The following NPSR1 variants were observed in gnomAD, a reference collection of about 807,000 sequenced individuals.
NPSR1 encodes neuropeptide S receptor 1.
NPSR1 carries 48 observed loss-of-function variants against 46.9 expected under a neutral mutation model. The ratio of observed to expected loss-of-function variants is 1.02; its 90% CI spans 0.81 to 1.30. The LOEUF is 1.30. Ranked by LOEUF, NPSR1 falls within the 50% of genes most tolerant of loss-of-function variation. NPSR1 has a pLI of 0.00. For synonymous variants in NPSR1, 176 were observed against 168.1 expected (o/e 1.05, Z -0.36); for missense variants, 450 against 449.5 (o/e 1.00, Z -0.01).
chr7:34,726,287 T>C (rs918884668), intron 2 of NPSR1, among the ~76,000 whole-genome samples: 7 of 152,154 alleles, frequency 4.6e-5, no homozygotes, highest in African/African-American at 9.7e-5. Context: ...CATCAGGGAA[T>C]GCAAATTAAA....
At chr7:34,849,396 G>C (rs1584141548) in intron 8 of NPSR1, 169 bp from the exon 9 acceptor site, 1 of 1,554,824 alleles carries the variant, frequency 6.4e-7, no homozygotes, top group African/African-American at 1.4e-5. Flanking sequence ...CAGTGAGAAG[G>C]AGAGCTGTGA....
At position 34,827,229 on chromosome 7, in the gene NPSR1, CA is replaced by C. The variant is rs1789898592; in HGVS notation, c.479-170del. 2.0e-5 allele frequency among the ~76,000 whole-genome samples: 3 copies of C among 152,320 alleles called. No homozygotes were observed. The South Asian group carries it at 6.2e-4, about 32-fold the overall frequency. On this transcript the variant is annotated intron_variant, in intron 4 of 8. Coordinates refer to ENST00000360581, the MANE Select transcript of NPSR1 (RefSeq NM_207172.2). ...CTTCCCTTTGTAATCTTCACATTGA[CA>C]ATGTATGGAGATACTGTATCCCTGT... is the stretch of plus-strand genomic sequence containing the variant.
In NPSR1 at chr7:34,848,503, C is replaced by T. The variant is rs962588749; in HGVS notation, c.865C>T (p.Pro289Ser). Residue 289 changes from proline (P) to serine (S), a missense_variant, in exon 8 of 9, where the codon CCA (proline) becomes TCA (serine). Pro to Ser is a moderately conservative substitution (Grantham distance 74). Coordinates refer to ENST00000360581, the MANE Select transcript of NPSR1 (RefSeq NM_207172.2). Reference protein sequence around the residue: ...IILAFICCWSPYFLFDILDNF... With the variant: ...IILAFICCWSSYFLFDILDNF... ...CCCAGCCTTCATCTGCTGTTGGAGT[C>T]CATACTTCCTGTTTGACATTTTGGA... 14 of 1,614,132 alleles carry T rather than the reference C, an allele frequency of 8.7e-6. No homozygotes were observed. The highest frequency in any genetic ancestry group is 1.2e-5 in the Non-Finnish European group (14 of 1,180,014).
intron 2 of NPSR1, among the ~76,000 whole-genome samples, chr7:34,694,455 T>C (rs187742214): frequency 2.0e-5 from 3 of 152,174 alleles, no homozygotes; most frequent in African/African-American, 7.2e-5. Flanking sequence ...GGAATACTTT[T>C]AACCAAGGAG....
rs543732663 is a variant in NPSR1 at position 34,673,322 on chromosome 7, T to A, written c.148-11230T>A. Reference sequence around the variant, plus strand: ...AACTTTGATACTAGATTCTCAGAAATGTTTATGGAATTTGATTGTACAGAT... The same window carrying A: ...AACTTTGATACTAGATTCTCAGAAAAGTTTATGGAATTTGATTGTACAGAT... On this transcript the variant is annotated intron_variant, in intron 1 of 8. Coordinates refer to ENST00000360581, the MANE Select transcript of NPSR1 (RefSeq NM_207172.2). Among the ~76,000 whole-genome samples, 3 of 152,258 alleles carry A rather than the reference T, an allele frequency of 2.0e-5. No individual in the cohort carries two copies. In the South Asian group the frequency reaches 6.2e-4, roughly 32 times the overall value.
At chr7:34,780,376 A>C (rs1195113616) in intron 3 of NPSR1, among the ~76,000 whole-genome samples, 1 of 152,090 alleles carries the variant, frequency 6.6e-6, no homozygotes, top group Admixed American at 6.6e-5. Flanking sequence ...TGTCAGTAAA[A>C]TTTTTTCTAA....
At chr7:34,721,635 A>C (rs1434435832) in intron 2 of NPSR1, among the ~76,000 whole-genome samples, 2 of 152,378 alleles carry the variant, frequency 1.3e-5, no homozygotes, top group Middle Eastern at 3.4e-3. Context: ...TGTATTTATA[A>C]TATGCACAGT....
chr7:34,676,079 A>T (rs1792302254), intron 1 of NPSR1, among the ~76,000 whole-genome samples: 1 of 152,162 alleles, frequency 6.6e-6, no homozygotes, highest in Non-Finnish European at 1.5e-5. Context: ...ATAGACTGGT[A>T]CCGAAAATAG....
chr7:34,814,516 T>A (rs914557017), intron 4 of NPSR1, among the ~76,000 whole-genome samples: 4 of 152,234 alleles, frequency 2.6e-5, no homozygotes, highest in African/African-American at 9.6e-5. Context: ...AACGTCCCTG[T>A]TCGACAGCTC....
At chr7:34,684,349 T>C (rs1230671780) in intron 1 of NPSR1, among the ~76,000 whole-genome samples, 2 of 152,236 alleles carry the variant, frequency 1.3e-5, no homozygotes, top group African/African-American at 2.4e-5. Flanking sequence ...GACGTATATT[T>C]CCAAAAGATT....
chr7:34,864,034 A>G (rs1379656859), intron 8 of NPSR1, among the ~76,000 whole-genome samples: 1 of 151,860 alleles, frequency 6.6e-6, no homozygotes, highest in Non-Finnish European at 1.5e-5. Flanking sequence ...ATAGAATACT[A>G]TGCAGCCATA....
intron 7 of NPSR1, among the ~76,000 whole-genome samples, chr7:34,846,049 T>C (rs1039334954): frequency 6.6e-6 from 1 of 152,150 alleles, no homozygotes; most frequent in African/African-American, 2.4e-5. Context: ...CAGCAGGACG[T>C]AGGCACAAAA....
intron 4 of NPSR1, 90 bp from the exon 5 acceptor site, chr7:34,827,311 C>A: frequency 9.0e-7 from 1 of 1,105,540 alleles, no homozygotes; most frequent in Non-Finnish European, 1.3e-6. Flanking sequence ...GGGTGGCTGC[C>A]CCACAGTGAT....
At chr7:34,789,176 T>C (rs1787604172) in intron 3 of NPSR1, among the ~76,000 whole-genome samples, 1 of 151,786 alleles carries the variant, frequency 6.6e-6, no homozygotes, top group Non-Finnish European at 1.5e-5. Flanking sequence ...TTTATACCAA[T>C]AAATACCTAC....
intron 1 of NPSR1, among the ~76,000 whole-genome samples, chr7:34,673,496 C>T (rs1792162109): frequency 2.0e-5 from 3 of 152,192 alleles, no homozygotes; most frequent in Admixed American, 2.0e-4. Context: ...CATGGGAGTT[C>T]ACAGAATGAC....
chr7:34,667,493 C>T (rs988038678), intron 1 of NPSR1, among the ~76,000 whole-genome samples: 2 of 152,272 alleles, frequency 1.3e-5, no homozygotes, highest in African/African-American at 4.8e-5. Context: ...AGCTTCTTCA[C>T]CCTCCTGGCC....
At chr7:34,691,544 A>G (rs1793257358) in intron 2 of NPSR1, among the ~76,000 whole-genome samples, 1 of 152,192 alleles carries the variant, frequency 6.6e-6, no homozygotes, top group Admixed American at 6.6e-5. Context: ...ATGGGAAAAA[A>G]AGCAAGCAGG....
intron 2 of NPSR1, among the ~76,000 whole-genome samples, chr7:34,739,549 T>A (rs1183812905): frequency 3.3e-5 from 5 of 152,254 alleles, no homozygotes; most frequent in Non-Finnish European, 7.3e-5. Flanking sequence ...CAGAGAAATG[T>A]CACTTAAGTC....
chr7:34,678,677 T>C (rs900363333), intron 1 of NPSR1, among the ~76,000 whole-genome samples: 1 of 151,722 alleles, frequency 6.6e-6, no homozygotes, highest in Non-Finnish European at 1.5e-5. Context: ...ATACAAAAAA[T>C]TAGCTGGGCA....
Sources: allele counts gnomAD v4.1 joint callset (sites outside exome capture counted in the v4.1 genomes callset), GRCh38; gene constraint gnomAD v4.1.1; transcripts MANE v1.5; gene names NCBI Gene and HGNC (gene_info 2026-07-23, HGNC 2026-07-21).